PLXNC1: variants seen among roughly 807,000 people sequenced by gnomAD.
PLXNC1 encodes the protein plexin-C1.
Under a neutral mutation model 178.2 loss-of-function variants are expected in PLXNC1, and 75 were observed. That is an observed-to-expected ratio of 0.42 (90% CI 0.35 to 0.51). PLXNC1 has a LOEUF of 0.51. Ranked by LOEUF, PLXNC1 falls within the 20% of genes least tolerant of loss-of-function variation. PLXNC1 has a pLI of 0.02. For synonymous variants in PLXNC1, 790 were observed against 779.9 expected, an observed-to-expected ratio of 1.01 and a Z score of -0.22; for missense variants, 1,503 against 1,984.4, an observed-to-expected ratio of 0.76 and a Z score of 4.61.
In PLXNC1 at chr12:94,149,076, G is replaced by A. The variant is rs1168947930; in HGVS notation, c.105G>A (p.Ala35=). ...CACTGGCGGCTCCCGGCCGGGGCGC[G>A]GACGAGCCCGTGTGGCGGTCGGAGC... ...LLALAAPGRG[A]DEPVWRSEQA... The change falls in exon 1 of 31, where the codon GCG becomes GCA. Residue 35 remains alanine (A), a synonymous_variant. Transcript: ENST00000258526. The A allele has an allele frequency of 1.3e-5, 21 of 1,564,996 alleles. No individual in the cohort carries two copies. The highest frequency in any genetic ancestry group is 1.8e-5 in the Non-Finnish European group (21 of 1,163,732).
At chr12:94,184,138 A>G (rs1369278016) in intron 3 of PLXNC1, among the ~76,000 whole-genome samples, 2 of 137,262 alleles carry the variant, frequency 1.5e-5, no homozygotes, top group East Asian at 4.3e-4. Flanking sequence ...TTTTTTTTTT[A>G]TGGAGTCTTG....
intron 26 of PLXNC1, 38 bp downstream of exon 26, chr12:94,297,461 A>AG (rs748665288): frequency 5.9e-6 from 8 of 1,349,474 alleles, no homozygotes; most frequent in South Asian, 1.2e-5. Context: ...ATGGCTACCT[A>AG]GGGGGTGTAT....
Position 94,149,310 on chromosome 12 carries a change from C to T in PLXNC1, c.339C>T (p.Arg113=), listed in dbSNP as rs1375189587. The T allele has an allele frequency of 2.7e-6, 4 of 1,462,538 alleles. No homozygotes were observed. Among genetic ancestry groups the T allele is most frequent in the Middle Eastern group, 1.9e-4 (1 of 5,292 alleles). The allele number at this position is 1,462,538 out of a possible 1,614,324, so 90.6% of individuals were successfully genotyped here. The change falls in exon 1 of 31, where the codon CGC becomes CGT. Residue 113 remains arginine (R), a synonymous_variant. Transcript: ENST00000258526. ...SSFSKLLLPY[R]EGAAGLGGLL... is the part of the protein sequence containing the mutation. ...TCAGCAAGCTGCTGCTGCCCTACCG[C>T]GAGGGGGCGGCCGGCCTCGGGGGGC...
intron 1 of PLXNC1, among the ~76,000 whole-genome samples, chr12:94,163,259 G>T (rs1005369224): frequency 1.3e-5 from 2 of 152,098 alleles, no homozygotes; most frequent in Non-Finnish European, 2.9e-5. Context: ...TCCGGAGGCT[G>T]AGGCAGGAGA....
At position 94,148,953 on chromosome 12, in the gene PLXNC1, G is replaced by C; in HGVS notation, c.-19G>C. 9.1e-7 allele frequency: 1 copy of C among 1,101,266 alleles called. No individual in the cohort carries two copies. Among genetic ancestry groups the C allele is most frequent in the South Asian group, 3.3e-5 (1 of 30,548 alleles). 68.2% of individuals were successfully genotyped at this position (1,101,266 alleles called of 1,614,324 possible). On this transcript the variant is annotated 5_prime_UTR_variant, in exon 1 of 31. Coordinates refer to ENST00000258526, the MANE Select transcript of PLXNC1 (RefSeq NM_005761.3). The surrounding 1 kb of genome is among the most constrained non-coding windows in gnomAD (Gnocchi z 4.8). ...CGTCGCCGCCGCGCGCCCTGCCCGGGGGCGGCCCCCCCAGCCCCATGGAGG... is the reference window on the plus strand; with the variant it reads ...CGTCGCCGCCGCGCGCCCTGCCCGGCGGCGGCCCCCCCAGCCCCATGGAGG...
intron 23 of PLXNC1, among the ~76,000 whole-genome samples, chr12:94,284,653 G>C (rs1966714065): frequency 6.6e-6 from 1 of 152,046 alleles, no homozygotes; most frequent in South Asian, 2.1e-4. Flanking sequence ...GGCTCTGGGA[G>C]GTCTGGTAAC....
At chr12:94,189,503 G>T (rs765362935) in intron 4 of PLXNC1, among the ~76,000 whole-genome samples, 1 of 152,056 alleles carries the variant, frequency 6.6e-6, no homozygotes, top group Non-Finnish European at 1.5e-5. Flanking sequence ...ACATGGCAAA[G>T]ACCCCATCTC....
intron 1 of PLXNC1, among the ~76,000 whole-genome samples, chr12:94,154,888 G>T (rs1026996784): frequency 2.0e-5 from 3 of 152,236 alleles, no homozygotes; most frequent in African/African-American, 7.2e-5. Context: ...TACCCAGTAT[G>T]TAGTTGGGAC....
intron 17 of PLXNC1, among the ~76,000 whole-genome samples, chr12:94,256,558 G>T (rs1222563837): frequency 6.6e-6 from 1 of 151,916 alleles, no homozygotes; most frequent in Non-Finnish European, 1.5e-5. Flanking sequence ...AAAGGAATTC[G>T]ATTCCCCGAA....
rs148529074 is a variant in PLXNC1, at chr12:94,156,970, A to G, written c.1062+6937A>G. Reference sequence around the variant, plus strand: ...GCTAAAGCAGTCCTTCCGAAGTGCTAAGATTATAGGCATAAGCCAGCACAC... The same window carrying G: ...GCTAAAGCAGTCCTTCCGAAGTGCTGAGATTATAGGCATAAGCCAGCACAC... On this transcript the variant is annotated intron_variant, in intron 1 of 30. Coordinates refer to ENST00000258526, the MANE Select transcript of PLXNC1 (RefSeq NM_005761.3). 7.4e-4 allele frequency among the ~76,000 whole-genome samples: 113 copies of G among 152,242 alleles called. 1 individual carries two copies. The highest frequency in any genetic ancestry group is 1.4e-3 in the Non-Finnish European group (94 of 67,998).
At chr12:94,264,986 C>T (rs1965158862) in intron 20 of PLXNC1, 93 bp from the exon 21 acceptor site, 2 of 1,270,990 alleles carry the variant, frequency 1.6e-6, no homozygotes, top group South Asian at 1.4e-5. Context: ...AACCCTGTCT[C>T]CTGCCTTACT....
intron 9 of PLXNC1, among the ~76,000 whole-genome samples, chr12:94,230,059 C>T (rs1964055067): frequency 1.3e-5 from 2 of 152,194 alleles, no homozygotes; most frequent in African/African-American, 4.8e-5. Flanking sequence ...TCACAAGGCT[C>T]CCCAGGTTGC....
intron 4 of PLXNC1, among the ~76,000 whole-genome samples, chr12:94,189,278 A>C (rs1962634169): frequency 6.6e-6 from 1 of 152,202 alleles, no homozygotes; most frequent in African/African-American, 2.4e-5. Flanking sequence ...ATGGATGTTG[A>C]TTCATATAAT....
rs890172456 is a variant in PLXNC1 at position 94,188,218 on chromosome 12, T to C, written c.1439+1745T>C. 2.0e-5 allele frequency among the ~76,000 whole-genome samples: 3 copies of C among 151,806 alleles called. No individual in the cohort carries two copies. The East Asian group carries it at 5.8e-4, about 29-fold the overall frequency. ...CAAGAGACAATGGGAAAATAAGACC[T>C]TAAGAAGGGACAGCTTAGAGAAGCT... On this transcript the variant is annotated intron_variant, in intron 4 of 30. Coordinates refer to ENST00000258526, the MANE Select transcript of PLXNC1 (RefSeq NM_005761.3).
Position 94,149,413 on chromosome 12 carries a change from C to T in PLXNC1, c.442C>T (p.Arg148Cys). ...PLGNLSRNSL[R>C]NGTEVVSCHP... is the part of the protein sequence containing the mutation. ...GGGCAACCTGAGCCGCAACTCCCTG[C>T]GCAACGGCACCGAGGTGGTGTCGTG... Residue 148 changes from arginine to cysteine, a missense_variant, in exon 1 of 31, where the codon CGC becomes TGC. This residue lies in a region of PLXNC1 where 73 missense variants were observed against 125.4 expected (regional missense o/e 0.58). Transcript: ENST00000258526. 7.0e-7 allele frequency: 1 copy of T among 1,436,552 alleles called. No individual in the cohort carries two copies. The highest frequency in any genetic ancestry group is 9.1e-7 in the Non-Finnish European group (1 of 1,104,728). The allele number at this position is 1,436,552 out of a possible 1,614,324, so 89.0% of individuals were successfully genotyped here.
At chr12:94,161,393 G>A (rs1325392889) in intron 1 of PLXNC1, among the ~76,000 whole-genome samples, 3 of 152,112 alleles carry the variant, frequency 2.0e-5, no homozygotes, top group African/African-American at 7.2e-5. Context: ...AGCTCAGAAA[G>A]GATAAATGAC....
chr12:94,294,587 A>G (rs1204710486), intron 24 of PLXNC1, 47 bp downstream of exon 24: 9 of 840,406 alleles, frequency 1.1e-5, no homozygotes, highest in Non-Finnish European at 1.6e-5. Context: ...CCAGCTTCAT[A>G]AAGTATTGCT....
chr12:94,148,925 C>T lies in PLXNC1; in HGVS notation c.-47C>T. On this transcript the variant is annotated 5_prime_UTR_variant, in exon 1 of 31. Transcript: ENST00000258526. This position sits in a 1 kb window ranked among gnomAD's most constrained non-coding sequence, Gnocchi z 4.8. ...CGTCTCCGTTGCCGCGCGCCTGAGC[C>T]GCCGTCGCCGCCGCGCGCCCTGCCC... 6.6e-6 allele frequency: 5 copies of T among 752,424 alleles called. No homozygotes were observed. Among genetic ancestry groups the T allele is most frequent in the Non-Finnish European group, 6.9e-6 (4 of 578,058 alleles). The allele number at this position is 752,424 out of a possible 1,614,324, so 46.6% of individuals were successfully genotyped here.
At chr12:94,251,675 G>A in intron 15 of PLXNC1, 147 bp downstream of exon 15, 3 of 652,556 alleles carry the variant, frequency 4.6e-6, no homozygotes, top group Non-Finnish European at 8.3e-6. Context: ...ACGAATAATA[G>A]GTACACGCTG....
Sources: allele counts gnomAD v4.1 joint callset (sites outside exome capture counted in the v4.1 genomes callset), GRCh38; gene constraint gnomAD v4.1.1; regional missense constraint gnomAD v4.1.1; non-coding constraint Gnocchi (gnomAD v3.1); transcripts MANE v1.5; gene names NCBI Gene and HGNC (gene_info 2026-07-23, HGNC 2026-07-21).